NPAS3: variants seen among roughly 807,000 people sequenced by gnomAD.
NPAS3 encodes neuronal PAS domain-containing protein 3.
NPAS3 carries 14 observed loss-of-function variants against 73.1 expected under a neutral mutation model. That is an observed-to-expected ratio of 0.19 (90% CI 0.13 to 0.30). The LOEUF (loss-of-function observed/expected upper bound fraction) is 0.30, where lower values mean the gene tolerates loss of function less well. NPAS3 is among the 10% of genes least tolerant of loss of function. The pLI, the probability that NPAS3 is intolerant of heterozygous loss-of-function variation, is 1.00. For synonymous variants in NPAS3, 620 were observed against 541.5 expected, an observed-to-expected ratio of 1.14 and a Z score of -2.01; for missense variants, 1,096 against 1,250.0, an observed-to-expected ratio of 0.88 and a Z score of 1.86.
intron 2 of NPAS3, among the ~76,000 whole-genome samples, chr14:33,060,899 C>T (rs976494908): frequency 6.6e-6 from 1 of 152,184 alleles, no homozygotes; most frequent in Non-Finnish European, 1.5e-5. Context: ...AAGTTTCTTT[C>T]TTCCTGAAAA....
intron 7 of NPAS3, among the ~76,000 whole-genome samples, chr14:33,758,222 T>C (rs1409197731): frequency 2.0e-5 from 3 of 152,210 alleles, no homozygotes; most frequent in Non-Finnish European, 4.4e-5. Context: ...CTGTCTGCAC[T>C]CCTCTCCATT....
chr14:33,714,183 C>A (rs936603005), intron 6 of NPAS3, among the ~76,000 whole-genome samples: 1 of 152,016 alleles, frequency 6.6e-6, no homozygotes, highest in Non-Finnish European at 1.5e-5. Flanking sequence ...TTACAACTCT[C>A]TCCCTCAGCA....
intron 1 of NPAS3, among the ~76,000 whole-genome samples, chr14:32,983,116 A>G (rs2037965328): frequency 6.6e-6 from 1 of 152,192 alleles, no homozygotes. Flanking sequence ...GCCATCATAC[A>G]AAGGTATCAA....
At chr14:33,367,201 G>A (rs762781148) in exon 4 of NPAS3, 22 of 863,758 alleles carry the variant, frequency 2.5e-5, no homozygotes, top group Non-Finnish European at 3.6e-5. Flanking sequence ...GGTGCACAGC[G>A]AAGGAGAAGC....
At chr14:33,388,984 C>T in intron 4 of NPAS3, among the ~76,000 whole-genome samples, 1 of 149,418 alleles carries the variant, frequency 6.7e-6, no homozygotes, top group Non-Finnish European at 1.5e-5. Context: ...TTGTTCCCTT[C>T]TCACCTTTGT....
Position 32,999,971 on chromosome 14 carries a change from A to G in NPAS3, c.51-55934A>G, listed in dbSNP as rs149489666. On this transcript the variant is annotated intron_variant, in intron 1 of 11. Coordinates refer to ENST00000356141, the Ensembl canonical transcript of NPAS3. ...GTGGACAGAAAGGCTCACAATTGCC[A>G]CATAGTATGATAATGCTACAATTGA... 6.6e-4 allele frequency among the ~76,000 whole-genome samples: 100 copies of G among 152,334 alleles called. 2 individuals carry two copies. The East Asian group carries it at 0.016, about 25-fold the overall frequency.
intron 4 of NPAS3, among the ~76,000 whole-genome samples, chr14:33,465,828 G>C (rs780956576): frequency 1.3e-5 from 2 of 151,194 alleles, no homozygotes; most frequent in Non-Finnish European, 2.9e-5. Flanking sequence ...ATCATTATTC[G>C]GTTTTATTTG....
chr14:33,246,957 T>A (rs2048412522), intron 3 of NPAS3, among the ~76,000 whole-genome samples: 1 of 150,654 alleles, frequency 6.6e-6, no homozygotes, highest in Non-Finnish European at 1.5e-5. Flanking sequence ...GATGTTGCAG[T>A]AAGCCAAGAC....
rs140530436 is a variant in NPAS3, at chr14:33,419,458, C to T, written c.468+52190C>T. Among the ~76,000 whole-genome samples the T allele has an allele frequency of 1.8e-3, 280 of 151,662 alleles. 2 individuals are homozygous for T. Among genetic ancestry groups the T allele is most frequent in the East Asian group, 0.017 (87 of 5,122 alleles). ...ATAGGTAAAGAAAGCCACAGGAGGC[C>T]GACTTCTTGAAAATATCTTTATGTA... On this transcript the variant is annotated intron_variant, in intron 4 of 11. Transcript: ENST00000356141.
chr14:33,024,142 A>ATGTGTG (rs5807700), intron 1 of NPAS3, among the ~76,000 whole-genome samples: 625 of 143,246 alleles, frequency 4.4e-3, no homozygotes, highest in Middle Eastern at 0.014. Context: ...GTGTGTGTAT[A>ATGTGTG]TGTGTGTGTG....
rs562656681 is a variant in NPAS3 at position 33,203,047 on chromosome 14, C to T, written c.141-12135C>T. On this transcript the variant is annotated intron_variant, in intron 2 of 11. Coordinates refer to ENST00000356141, the Ensembl canonical transcript of NPAS3. Reference sequence around the variant, plus strand: ...CTTGACTACTATTTCTTAGACATTACATTACACATTACACTGTTTAATCGT... The same window carrying T: ...CTTGACTACTATTTCTTAGACATTATATTACACATTACACTGTTTAATCGT... 4.6e-5 allele frequency among the ~76,000 whole-genome samples: 7 copies of T among 152,328 alleles called. No homozygotes were observed. The South Asian group carries it at 1.4e-3, about 32-fold the overall frequency.
chr14:33,683,918 A>G (rs959787950), intron 6 of NPAS3, among the ~76,000 whole-genome samples: 25 of 152,340 alleles, frequency 1.6e-4, no homozygotes, highest in Non-Finnish European at 3.2e-4. Context: ...CACTAATTAC[A>G]GGAGTTAATT....
intron 4 of NPAS3, among the ~76,000 whole-genome samples, chr14:33,414,381 C>T (rs371835185): frequency 5.7e-4 from 87 of 152,028 alleles, no homozygotes; most frequent in South Asian, 2.1e-3. Context: ...AGTCATTGGG[C>T]GTCTCTGTGA....
chr14:33,243,593 TCTC>T (rs1380984406), intron 3 of NPAS3, among the ~76,000 whole-genome samples: 1 of 152,036 alleles, frequency 6.6e-6, no homozygotes, highest in African/African-American at 2.4e-5. Context: ...CAATTATTAA[TCTC>T]CTCCTGTGGG....
At chr14:33,737,017 G>C (rs954749449) in intron 7 of NPAS3, among the ~76,000 whole-genome samples, 12 of 152,104 alleles carry the variant, frequency 7.9e-5, no homozygotes, top group African/African-American at 2.2e-4. Context: ...AAGTGTTTTT[G>C]TTTCCATTTT....
At chr14:33,431,802 A>C (rs1288820342) in intron 4 of NPAS3, among the ~76,000 whole-genome samples, 3 of 152,028 alleles carry the variant, frequency 2.0e-5, no homozygotes, top group African/African-American at 7.2e-5. Flanking sequence ...AGAACATGAT[A>C]ATCTCTGTGG....
At chr14:32,982,546 C>T (rs541457820) in intron 1 of NPAS3, among the ~76,000 whole-genome samples, 20 of 151,470 alleles carry the variant, frequency 1.3e-4, no homozygotes, top group East Asian at 9.7e-4. Flanking sequence ...CTCATCTCTA[C>T]GAAAAGAAAA....
chr14:33,173,846 G>A lies in NPAS3; in HGVS notation c.141-41336G>A, dbSNP rs554926344. ...ATTATATTAAGTCAATAATTAACAG[G>A]AAATGTTTCTTCCTGGTAATTCTGT... is the stretch of plus-strand genomic sequence containing the variant. On this transcript the variant is annotated intron_variant, in intron 2 of 11. Coordinates refer to ENST00000356141, the Ensembl canonical transcript of NPAS3. Among the ~76,000 whole-genome samples, 64 of 152,250 alleles carry A rather than the reference G, an allele frequency of 4.2e-4. 2 individuals are homozygous for A. The South Asian group carries it at 0.013, about 31-fold the overall frequency.
intron 2 of NPAS3, among the ~76,000 whole-genome samples, chr14:33,196,873 A>C (rs1372753341): frequency 6.6e-6 from 1 of 152,204 alleles, no homozygotes; most frequent in Non-Finnish European, 1.5e-5. Flanking sequence ...TAGATTTGCC[A>C]AATCAGGTAT....
Sources: allele counts gnomAD v4.1 joint callset (sites outside exome capture counted in the v4.1 genomes callset), GRCh38; gene constraint gnomAD v4.1.1; transcripts MANE v1.5; gene names NCBI Gene and HGNC (gene_info 2026-07-23, HGNC 2026-07-21).